SLC9A9: variants seen among roughly 807,000 people sequenced by gnomAD.
SLC9A9 encodes sodium/hydrogen exchanger 9.
Under a neutral mutation model 77.8 loss-of-function variants are expected in SLC9A9, and 62 were observed. The ratio of observed to expected loss-of-function variants is 0.80; its 90% confidence interval spans 0.65 to 0.98. The LOEUF (loss-of-function observed/expected upper bound fraction) is 0.98, where lower values mean the gene tolerates loss of function less well. Ranked by LOEUF, SLC9A9 falls within the 50% of genes least tolerant of loss-of-function variation. The pLI is 0.00. For synonymous variants in SLC9A9, 320 were observed against 283.5 expected, an observed-to-expected ratio of 1.13 and a Z score of -1.29; for missense variants, 775 against 774.9, an observed-to-expected ratio of 1.00 and a Z score of 0.00.
chr3:143,832,164 C>G lies in SLC9A9; in HGVS notation c.233G>C (p.Gly78Ala). Residue 78 changes from glycine (G) to alanine (A), a missense_variant, in exon 2 of 16, where the codon GGA (glycine) becomes GCA (alanine). Physicochemically the swap from Gly to Ala is moderately conservative, Grantham distance 60. Transcript: ENST00000316549. ...TAGTTTTACACAGTCATAGACAGTT[C>G]CACTTTCAATATCAGTTGGTGCTGT... ...YATAPTDIES[G>A]TVYDCVKLTF... The G allele has an allele frequency of 6.2e-7, 1 of 1,612,930 alleles. No individual in the cohort carries two copies. Among genetic ancestry groups the G allele is most frequent in the Non-Finnish European group, 8.5e-7 (1 of 1,179,530 alleles).
rs575656825 is a variant in SLC9A9 at position 143,846,723 on chromosome 3, A to C, written c.175+1425T>G. On this transcript the variant is annotated intron_variant, in intron 1 of 15. Transcript: ENST00000316549. Reference sequence around the variant, plus strand: ...TAAAAAATAAATAAAACAATACAGCAAAAAAAGGTTTTTTTTTTTTTTGCA... The same window carrying C: ...TAAAAAATAAATAAAACAATACAGCCAAAAAAGGTTTTTTTTTTTTTTGCA... 2.0e-4 allele frequency among the ~76,000 whole-genome samples: 7 copies of C among 35,276 alleles called. No individual in the cohort carries two copies. In the South Asian group the frequency reaches 0.013, roughly 67 times the overall value. 23.1% of individuals were successfully genotyped at this position (35,276 alleles called of 152,430 possible).
chr3:143,404,729 TC>T (rs2033939892), intron 12 of SLC9A9, among the ~76,000 whole-genome samples: 1 of 152,190 alleles, frequency 6.6e-6, no homozygotes, highest in African/African-American at 2.4e-5. Context: ...ATTAGCCTCC[TC>T]CCCCATACCC....
At chr3:143,732,533 G>A (rs540903849) in intron 4 of SLC9A9, among the ~76,000 whole-genome samples, 99 of 152,282 alleles carry the variant, frequency 6.5e-4, no homozygotes, top group African/African-American at 2.3e-3. Flanking sequence ...TCAGTTGCGC[G>A]TGTGACTGTC....
At chr3:143,404,453 A>T (rs1378723721) in intron 12 of SLC9A9, among the ~76,000 whole-genome samples, 4 of 152,148 alleles carry the variant, frequency 2.6e-5, no homozygotes, top group African/African-American at 4.8e-5. Context: ...TAGCATTATC[A>T]TTCTTTTACT....
chr3:143,721,297 C>T (rs1050718575), intron 4 of SLC9A9, among the ~76,000 whole-genome samples: 2 of 152,168 alleles, frequency 1.3e-5, no homozygotes, highest in African/African-American at 4.8e-5. Context: ...CTAACTGCAA[C>T]CCCAGGCCAG....
At chr3:143,312,891 C>T (rs1292754711) in intron 14 of SLC9A9, among the ~76,000 whole-genome samples, 5 of 152,356 alleles carry the variant, frequency 3.3e-5, no homozygotes, top group African/African-American at 2.4e-5. Flanking sequence ...TCCCAATCTT[C>T]CATCCCCAAG....
rs764282178 is a variant in SLC9A9, at chr3:143,266,897, A to G, written c.1743T>C (p.Ile581=). The change falls in exon 16 of 16, where the codon ATT becomes ATC. Residue 581 remains isoleucine (I), a synonymous_variant. Transcript: ENST00000316549. ...TTATGGCTAGTTCATCCTGGTTTAC[A>G]ATGCATTCCACATCATCCTCTTTTA... ...EQLKEDDVEC[I]VNQDELAINY... 3 of 1,614,106 alleles carry G rather than the reference A, an allele frequency of 1.9e-6. No homozygotes were observed. Among genetic ancestry groups the G allele is most frequent in the Non-Finnish European group, 2.5e-6 (3 of 1,179,964 alleles).
At chr3:143,472,682 C>T (rs2035398381) in intron 11 of SLC9A9, among the ~76,000 whole-genome samples, 1 of 152,174 alleles carries the variant, frequency 6.6e-6, no homozygotes, top group African/African-American at 2.4e-5. Flanking sequence ...TAAAGCAATA[C>T]TAAGCACACA....
intron 4 of SLC9A9, among the ~76,000 whole-genome samples, chr3:143,746,489 G>T (rs912321482): frequency 5.9e-5 from 9 of 152,064 alleles, no homozygotes; most frequent in African/African-American, 1.9e-4. Context: ...AGCTCTCTGA[G>T]AACATGTATA....
intron 5 of SLC9A9, among the ~76,000 whole-genome samples, chr3:143,661,863 G>A (rs948100947): frequency 6.6e-6 from 1 of 152,042 alleles, no homozygotes; most frequent in African/African-American, 2.4e-5. Flanking sequence ...TCCAACCATT[G>A]CCAAGACAAC....
At chr3:143,701,107 G>T (rs377304794) in intron 4 of SLC9A9, among the ~76,000 whole-genome samples, 17 of 152,320 alleles carry the variant, frequency 1.1e-4, no homozygotes, top group African/African-American at 4.1e-4. Context: ...GGCTTGGGGT[G>T]CCCCTGATGC....
intron 6 of SLC9A9, among the ~76,000 whole-genome samples, chr3:143,587,111 A>G (rs1485607175): frequency 6.6e-6 from 1 of 152,228 alleles, no homozygotes; most frequent in Non-Finnish European, 1.5e-5. Flanking sequence ...ATTCCGTGGG[A>G]AGGATAAGCT....
At chr3:143,722,329 C>T (rs960286878) in intron 4 of SLC9A9, among the ~76,000 whole-genome samples, 3 of 151,760 alleles carry the variant, frequency 2.0e-5, no homozygotes, top group African/African-American at 7.3e-5. Flanking sequence ...AAAAATTAGC[C>T]GGGCGTAGTG....
chr3:143,579,658 G>GA, intron 6 of SLC9A9, among the ~76,000 whole-genome samples: 1 of 152,172 alleles, frequency 6.6e-6, no homozygotes, highest in East Asian at 1.9e-4. Context: ...AACTAATCAG[G>GA]AAAAATCAAG....
intron 9 of SLC9A9, among the ~76,000 whole-genome samples, chr3:143,520,959 C>A (rs936093701): frequency 1.3e-5 from 2 of 152,082 alleles, no homozygotes; most frequent in Admixed American, 1.3e-4. Flanking sequence ...TGAAGTAATT[C>A]TTTATTCTGG....
rs141578308 is a variant in SLC9A9, at chr3:143,491,257, A to T, written c.1315+2396T>A. ...GAACTGGCTGATTGGCATTCTCATG[A>T]ATTAAACTAATAATTTCAACCCCAT... On this transcript the variant is annotated intron_variant, in intron 11 of 15. Transcript: ENST00000316549. Among the ~76,000 whole-genome samples the T allele has an allele frequency of 3.2e-3, 484 of 152,288 alleles. 2 individuals carry two copies. Among genetic ancestry groups the T allele is most frequent in the African/African-American group, 0.011 (446 of 41,566 alleles).
intron 6 of SLC9A9, among the ~76,000 whole-genome samples, chr3:143,616,750 C>T (rs2038113346): frequency 6.6e-6 from 1 of 152,152 alleles, no homozygotes; most frequent in Non-Finnish European, 1.5e-5. Context: ...CTCCTCCTGG[C>T]TTCTCCCAAG....
chr3:143,299,398 C>A (rs2030420392), intron 14 of SLC9A9, among the ~76,000 whole-genome samples: 1 of 152,010 alleles, frequency 6.6e-6, no homozygotes, highest in Non-Finnish European at 1.5e-5. Context: ...TGGCAACCAT[C>A]AGATTCACTT....
At chr3:143,397,172 A>G (rs2033750127) in intron 12 of SLC9A9, among the ~76,000 whole-genome samples, 1 of 152,224 alleles carries the variant, frequency 6.6e-6, no homozygotes, top group Admixed American at 6.5e-5. Flanking sequence ...AGCTGCAAGC[A>G]TACTGACATC....
Sources: allele counts gnomAD v4.1 joint callset (sites outside exome capture counted in the v4.1 genomes callset), GRCh38; gene constraint gnomAD v4.1.1; transcripts MANE v1.5; gene names NCBI Gene and HGNC (gene_info 2026-07-23, HGNC 2026-07-21).